The following VAMP5 variants were observed in gnomAD, a reference collection of about 807,000 sequenced individuals.
VAMP5 encodes the protein vesicle associated membrane protein 5, also known as vesicle-associated membrane protein 5.
In VAMP5, 10 loss-of-function variants were observed where a neutral mutation model predicts 8.1. That is an observed-to-expected ratio of 1.23 (90% CI 0.76 to 2.09). The LOEUF is 2.09. Ranked by LOEUF, VAMP5 falls within the 30% of genes most tolerant of loss-of-function variation. The probability of loss-of-function intolerance (pLI) is 0.00; values close to 1 mark genes in which losing one functional copy is unlikely to be tolerated. For missense variants in VAMP5, 135 were observed against 152.5 expected, an observed-to-expected ratio of 0.89 and a Z score of 0.60; for synonymous variants, 62 against 60.6, an observed-to-expected ratio of 1.02 and a Z score of -0.11.
chr2:85,591,676 G>T (rs1672539671), intron 1 of VAMP5, 49 bp from the exon 2 acceptor site: 1 of 1,612,386 alleles, frequency 6.2e-7, no homozygotes, highest in Admixed American at 1.7e-5. Flanking sequence ...GGGCAGATGA[G>T]GGCCAGGTGG....
At position 85,591,764 on chromosome 2, in the gene VAMP5, G is replaced by A. The variant is rs375756032; in HGVS notation, c.43G>A (p.Glu15Lys). 6.8e-6 allele frequency: 11 copies of A among 1,614,034 alleles called. No homozygotes were observed. The highest frequency in any genetic ancestry group is 1.7e-5 in the Admixed American group (1 of 60,010). Residue 15 changes from glutamate (E) to lysine (K), a missense_variant, in exon 2 of 3, where the codon GAG (glutamate) becomes AAG (lysine). Transcript: ENST00000306384. ...ELERCQQQAN[E>K]VTEIMRNNFG... The stretch of plus-strand genomic sequence containing the variant: ...GGAGCGGTGCCAGCAGCAGGCGAAC[G>A]AGGTGACGGAAATTATGCGTAACAA...
chr2:85,588,185 C>G (rs909741681), intron 1 of VAMP5, among the ~76,000 whole-genome samples: 1 of 152,078 alleles, frequency 6.6e-6, no homozygotes, highest in Non-Finnish European at 1.5e-5. Context: ...GAGGCATGAT[C>G]TGCCCACCTT....
At chr2:85,584,525 C>T in intron 1 of VAMP5, 32 bp downstream of exon 1, 1 of 1,237,274 alleles carries the variant, frequency 8.1e-7, no homozygotes, top group South Asian at 3.7e-5. Flanking sequence ...GCCAGCCCTG[C>T]GACGGGCAGA....
At chr2:85,588,316 G>A (rs1672492633) in intron 1 of VAMP5, among the ~76,000 whole-genome samples, 1 of 152,150 alleles carries the variant, frequency 6.6e-6, no homozygotes, top group Admixed American at 6.5e-5. Flanking sequence ...AAACCTGAGA[G>A]GTTTGAGTGT....
Position 85,592,861 on chromosome 2 carries a change from CCTTA to C in VAMP5, c.142-84_142-81del, listed in dbSNP as rs1672565179. ...GGGGAGGATGCAGGAGGAGACTAAG[CCTTA>C]CTGAGATGGGGTTGGGAGGAGCTGG... On this transcript the variant is annotated intron_variant, in intron 2 of 2. Transcript: ENST00000306384. 4.3e-5 allele frequency: 59 copies of C among 1,381,132 alleles called. No individual in the cohort carries two copies. In the South Asian group the frequency reaches 6.6e-4, roughly 16 times the overall value. 85.6% of individuals were successfully genotyped at this position (1,381,132 alleles called of 1,614,324 possible). A position where few individuals can be genotyped will look rare whatever the true frequency, so the allele number is the denominator to read the frequency against.
chr2:85,591,549 G>T lies in VAMP5; in HGVS notation c.4-176G>T. On this transcript the variant is annotated intron_variant, in intron 1 of 2. Transcript: ENST00000306384. ...GAGCCTGTGAGACTTAAGGTGTGCC[G>T]CACTCACCCCGAAGGCCAGACCTTC... The T allele has an allele frequency of 5.5e-6, 5 of 903,564 alleles. No homozygotes were observed. The South Asian group carries it at 6.9e-5, about 13-fold the overall frequency. 56.0% of individuals were successfully genotyped at this position (903,564 alleles called of 1,614,324 possible). A position where few individuals can be genotyped will look rare whatever the true frequency, so the allele number is the denominator to read the frequency against.
At chr2:85,591,569 A>G (rs1672537578) in intron 1 of VAMP5, 156 bp from the exon 2 acceptor site, 9 of 1,149,000 alleles carry the variant, frequency 7.8e-6, no homozygotes, top group Non-Finnish European at 1.1e-5. Flanking sequence ...CGAAGGCCAG[A>G]CCTTCACTCC....
intron 2 of VAMP5, 95 bp downstream of exon 2, chr2:85,591,957 A>G: frequency 6.4e-7 from 1 of 1,559,910 alleles, no homozygotes; most frequent in Non-Finnish European, 8.7e-7. Flanking sequence ...GGTGGGGTTG[A>G]GGCCTTCTTG....
chr2:85,592,907 G>GTGCCAGC (rs1558825710), intron 2 of VAMP5, 41 bp from the exon 3 acceptor site: 1 of 1,610,892 alleles, frequency 6.2e-7, no homozygotes. Context: ...GGCCAAGAGG[G>GTGCCAGC]TGCCAGCTAA....
At chr2:85,586,246 CA>C (rs1489644754) in intron 1 of VAMP5, among the ~76,000 whole-genome samples, 1 of 152,168 alleles carries the variant, frequency 6.6e-6, no homozygotes, top group African/African-American at 2.4e-5. Flanking sequence ...TGATCTTGGA[CA>C]GGTGATTTAA....
Position 85,591,795 on chromosome 2 carries a change from G to T in VAMP5, c.74G>T (p.Gly25Val). ...EVTEIMRNNF[G>V]KVLERGVKLA... ...ACGGAAATTATGCGTAACAACTTCGGCAAGGTCCTGGAGCGTGGTGTGAAG... is the reference window on the plus strand; with the variant it reads ...ACGGAAATTATGCGTAACAACTTCGTCAAGGTCCTGGAGCGTGGTGTGAAG... The change falls in exon 2 of 3, where the codon GGC (glycine) becomes GTC (valine). Residue 25 changes from glycine to valine, a missense_variant. Gly to Val is a moderately radical substitution (Grantham distance 109). Coordinates refer to ENST00000306384, the MANE Select transcript of VAMP5 (RefSeq NM_006634.3). The T allele has an allele frequency of 6.2e-7, 1 of 1,614,168 alleles. No individual in the cohort carries two copies. The highest frequency in any genetic ancestry group is 1.1e-5 in the South Asian group (1 of 91,078).
At chr2:85,584,579 GCTGGGGCCTCCC>G (rs1003214624) in intron 1 of VAMP5, 86 bp downstream of exon 1, 11 of 1,228,662 alleles carry the variant, frequency 9.0e-6, no homozygotes, top group Middle Eastern at 2.7e-4. Context: ...AAGTCCGCGG[GCTGGGGCCTCCC>G]CTGGGGCCCA....
chr2:85,585,219 C>A (rs2104042290), intron 1 of VAMP5, among the ~76,000 whole-genome samples: 1 of 152,394 alleles, frequency 6.6e-6, no homozygotes, highest in African/African-American at 2.4e-5. Context: ...TGAGTTGAGT[C>A]ATCCCCACTC....
rs942760114 is a variant in VAMP5, at chr2:85,591,708, T to G, written c.4-17T>G. ...GTGGGGGCCTCATGCAGCCCTGACC[T>G]CGGGCTTGGTGTCCAGGCAGGAATA... On this transcript the variant is annotated splice_polypyrimidine_tract_variant and intron_variant, in intron 1 of 2. Transcript: ENST00000306384. 1.2e-6 allele frequency: 2 copies of G among 1,613,724 alleles called. No homozygotes were observed. The highest frequency in any genetic ancestry group is 2.7e-5 in the African/African-American group (2 of 74,840).
At chr2:85,585,797 C>G (rs1338315395) in intron 1 of VAMP5, among the ~76,000 whole-genome samples, 1 of 152,204 alleles carries the variant, frequency 6.6e-6, no homozygotes, top group Non-Finnish European at 1.5e-5. Context: ...TTCTTTCACT[C>G]TTGCCCCTTT....
Position 85,591,759 on chromosome 2 carries a change from C to A in VAMP5, c.38C>A (p.Ala13Glu), listed in dbSNP as rs200377485. ...GIELERCQQQ[A>E]NEVTEIMRNN... Reference sequence around the variant, plus strand: ...GAGTTGGAGCGGTGCCAGCAGCAGGCGAACGAGGTGACGGAAATTATGCGT... The same window carrying A: ...GAGTTGGAGCGGTGCCAGCAGCAGGAGAACGAGGTGACGGAAATTATGCGT... The change falls in exon 2 of 3, where the codon GCG becomes GAG. Residue 13 changes from alanine to glutamate, a missense_variant. Coordinates refer to ENST00000306384, the MANE Select transcript of VAMP5 (RefSeq NM_006634.3). 5 of 1,614,066 alleles carry A rather than the reference C, an allele frequency of 3.1e-6. No individual in the cohort carries two copies. Among genetic ancestry groups the A allele is most frequent in the Non-Finnish European group, 4.2e-6 (5 of 1,179,984 alleles).
rs750013671 is a variant in VAMP5, at chr2:85,593,026, G to A, written c.220G>A (p.Gly74Arg). The A allele has an allele frequency of 5.0e-6, 8 of 1,614,154 alleles. No homozygotes were observed. The highest frequency in any genetic ancestry group is 6.8e-6 in the Non-Finnish European group (8 of 1,180,028). ...GAACATCCGTTACCGGATCTGCGTGGGGCTGGTGGTGGTTGGTGTCCTGCT... is the reference window on the plus strand; with the variant it reads ...GAACATCCGTTACCGGATCTGCGTGAGGCTGGTGGTGGTTGGTGTCCTGCT... ...WENIRYRICV[G>R]LVVVGVLLII... Residue 74 changes from glycine to arginine, a missense_variant, in exon 3 of 3, where the codon GGG becomes AGG. Gly to Arg is a moderately radical substitution (Grantham distance 125, BLOSUM62 -2). Transcript: ENST00000306384.
intron 2 of VAMP5, 139 bp from the exon 3 acceptor site, chr2:85,592,809 A>G (rs1672562238): frequency 2.5e-6 from 2 of 804,200 alleles, no homozygotes; most frequent in Non-Finnish European, 3.9e-6. Flanking sequence ...TCAAAAAAAA[A>G]AAAAAAAGAA....
intron 1 of VAMP5, among the ~76,000 whole-genome samples, chr2:85,590,930 T>TC (rs1672530566): frequency 6.6e-6 from 1 of 152,202 alleles, no homozygotes; most frequent in Non-Finnish European, 1.5e-5. Flanking sequence ...AGACCTCCCT[T>TC]CCCAGTCCTC....
Sources: allele counts gnomAD v4.1 joint callset (sites outside exome capture counted in the v4.1 genomes callset), GRCh38; gene constraint gnomAD v4.1.1; transcripts MANE v1.5; gene names NCBI Gene and HGNC (gene_info 2026-07-23, HGNC 2026-07-21).